DRC8: variants seen among roughly 807,000 people sequenced by gnomAD.
DRC8 encodes the protein dynein regulatory complex subunit 8, also known as dynein regulatory complex protein 8.
chr1:244,995,700 G>T, the DRC8 span, among the ~76,000 whole-genome samples: 1 of 152,120 alleles, frequency 6.6e-6, no homozygotes, highest in Non-Finnish European at 1.5e-5. Context: ...AGCACCTTCA[G>T]TGCTTTTCCT....
chr1:245,068,308 T>A, the DRC8 span, among the ~76,000 whole-genome samples: 1 of 152,242 alleles, frequency 6.6e-6, no homozygotes, highest in Non-Finnish European at 1.5e-5. Context: ...TTACAAAAAA[T>A]TTTAAATAAA....
chr1:245,085,612 A>G, the DRC8 span, among the ~76,000 whole-genome samples: 1 of 152,226 alleles, frequency 6.6e-6, no homozygotes, highest in African/African-American at 2.4e-5. Flanking sequence ...GTGGAGTCCC[A>G]GGCTCAGGAG....
the DRC8 span, among the ~76,000 whole-genome samples, chr1:245,117,919 G>A: frequency 2.0e-5 from 3 of 152,026 alleles, no homozygotes; most frequent in African/African-American, 7.2e-5. Context: ...AGTGAGCCAA[G>A]ATTGTGCCAC....
the DRC8 span, among the ~76,000 whole-genome samples, chr1:244,996,674 A>T: frequency 6.6e-6 from 1 of 152,224 alleles, no homozygotes; most frequent in Admixed American, 6.5e-5. Context: ...CTAGCCTGGG[A>T]ATAAACGCTT....
the DRC8 span, among the ~76,000 whole-genome samples, chr1:245,003,896 C>T: frequency 9.0e-4 from 137 of 152,192 alleles, no homozygotes; most frequent in South Asian, 0.012. Context: ...GAACTACCGC[C>T]TGTTTTGTTT....
the DRC8 span, among the ~76,000 whole-genome samples, chr1:245,081,687 T>C: frequency 6.6e-6 from 1 of 152,142 alleles, no homozygotes; most frequent in African/African-American, 2.4e-5. Flanking sequence ...CAAGCTGATC[T>C]TGAACTCCTG....
chr1:244,995,237 T>C, the DRC8 span, among the ~76,000 whole-genome samples: 2 of 152,170 alleles, frequency 1.3e-5, no homozygotes, highest in Middle Eastern at 3.4e-3. Context: ...GGCAGGCGCC[T>C]GTAACCCCAG....
the DRC8 span, among the ~76,000 whole-genome samples, chr1:245,018,563 G>A: frequency 6.6e-6 from 1 of 152,148 alleles, no homozygotes; most frequent in Admixed American, 6.5e-5. Context: ...AGGGGGTGCA[G>A]CAGGCAGCCC....
chr1:244,973,879 G>T, the DRC8 span, among the ~76,000 whole-genome samples: 13 of 152,238 alleles, frequency 8.5e-5, no homozygotes, highest in East Asian at 1.9e-4. Context: ...AGGGGCTATT[G>T]TGCTCATAAA....
At chr1:245,007,244 T>C in the DRC8 span, among the ~76,000 whole-genome samples, 1 of 151,970 alleles carries the variant, frequency 6.6e-6, no homozygotes. Context: ...TAATTTCATG[T>C]GTGTGGGGAG....
At chr1:245,067,456 G>C in the DRC8 span, among the ~76,000 whole-genome samples, 4,805 of 152,188 alleles carry the variant, frequency 0.032, 258 homozygotes, top group African/African-American at 0.11. Flanking sequence ...GTCAAAGTGT[G>C]ATAAATACTC....
the DRC8 span, among the ~76,000 whole-genome samples, chr1:244,972,862 CAT>C: frequency 9.9e-5 from 15 of 151,742 alleles, no homozygotes; most frequent in African/African-American, 3.1e-4. Flanking sequence ...GAGAAGCACT[CAT>C]GTGCTGTATC....
chr1:244,976,359 G>T, the DRC8 span, among the ~76,000 whole-genome samples: 4 of 152,086 alleles, frequency 2.6e-5, no homozygotes, highest in South Asian at 2.1e-4. Context: ...GCATATTTCT[G>T]GGGTAATTTA....
the DRC8 span, among the ~76,000 whole-genome samples, chr1:244,999,378 C>G: frequency 1.3e-5 from 2 of 152,122 alleles, no homozygotes; most frequent in African/African-American, 4.8e-5. Flanking sequence ...ATTGTCTTTT[C>G]CTGTTTCCCT....
the DRC8 span, among the ~76,000 whole-genome samples, chr1:245,107,498 C>G: frequency 2.6e-5 from 4 of 152,218 alleles, no homozygotes; most frequent in Non-Finnish European, 4.4e-5. Context: ...CCTCTAACAC[C>G]GCCAAATCTC....
chr1:245,023,340 G>T, the DRC8 span, among the ~76,000 whole-genome samples: 1 of 152,184 alleles, frequency 6.6e-6, no homozygotes, highest in African/African-American at 2.4e-5. Context: ...ATGAATACTG[G>T]TGTATAGATA....
the DRC8 span, among the ~76,000 whole-genome samples, chr1:245,007,659 T>C: frequency 6.6e-6 from 1 of 152,180 alleles, no homozygotes; most frequent in South Asian, 2.1e-4. Context: ...CTTTTCTGTG[T>C]GTTTGAAAAT....
At chr1:244,994,913 T>C in the DRC8 span, among the ~76,000 whole-genome samples, 20 of 152,338 alleles carry the variant, frequency 1.3e-4, no homozygotes, top group African/African-American at 4.8e-4. Context: ...GTGCCCTAAA[T>C]TTGATCTTTA....
At chr1:245,009,342 T>G in the DRC8 span, among the ~76,000 whole-genome samples, 1 of 151,400 alleles carries the variant, frequency 6.6e-6, no homozygotes, top group Non-Finnish European at 1.5e-5. Context: ...TGGATTGTGC[T>G]TTTTCACTGT....
Sources: gnomAD v4.1 joint callset for allele counts (sites outside exome capture counted in the v4.1 genomes callset) on GRCh38, gnomAD v4.1.1 for gene constraint, MANE v1.5 for transcripts, NCBI Gene and HGNC (gene_info 2026-07-23, HGNC 2026-07-21) for gene names.